Variants in ANKRD61 observed in about 807,000 individuals in gnomAD.
ANKRD61 encodes the protein ankyrin repeat domain-containing protein 61.
ANKRD61 carries 7 observed loss-of-function variants against 8.4 expected under a neutral mutation model. That is an observed-to-expected ratio of 0.84 (90% CI 0.48 to 1.57). The LOEUF is 1.57. ANKRD61 is among the 40% of genes most tolerant of loss of function. ANKRD61 has a pLI of 0.00. For synonymous variants in ANKRD61, 198 were observed against 208.0 expected, an observed-to-expected ratio of 0.95 and a Z score of 0.41; for missense variants, 516 against 523.4, an observed-to-expected ratio of 0.99 and a Z score of 0.14.
At position 6,036,054 on chromosome 7, in the gene ANKRD61, A is replaced by T; in HGVS notation, c.925A>T (p.Arg309Ter). The T allele has an allele frequency of 6.4e-7, 1 of 1,551,124 alleles. No individual in the cohort carries two copies. The change falls in exon 3 of 3, where the codon AGA becomes TGA. Residue 309 changes from arginine to a stop codon, truncating the protein, a stop_gained. Transcript: ENST00000409061. LOFTEE classifies it low-confidence loss of function (END_TRUNC). The surrounding 1 kb of genome is among the most constrained non-coding windows in gnomAD (Gnocchi z 4.6). ...TGAAGCAAATGTTAACATTTTAACA[A>T]GAAACGGGGAATCTCCAATTTATAT... ...EFEANVNILTRNGESPIYMYL... is the reference protein window; with the variant it reads ...EFEANVNILT
chr7:6,031,672 A>G (rs527566265), intron 1 of ANKRD61, 81 bp downstream of exon 1: 2 of 1,382,406 alleles, frequency 1.4e-6, no homozygotes, highest in East Asian at 5.0e-5. Flanking sequence ...TGGTGAACCC[A>G]CTAAGCTCAC....
At position 6,031,452 on chromosome 7, in the gene ANKRD61, C is replaced by T; in HGVS notation, c.77C>T (p.Ala26Val). The T allele has an allele frequency of 5.8e-6, 9 of 1,550,796 alleles. No homozygotes were observed. The highest frequency in any genetic ancestry group is 1.2e-5 in the South Asian group (1 of 84,058). The change falls in exon 1 of 3, where the codon GCA (alanine) becomes GTA (valine). Residue 26 changes from alanine to valine, a missense_variant. Ala to Val is a moderately conservative substitution (Grantham distance 64). Coordinates refer to ENST00000409061, the MANE Select transcript of ANKRD61 (RefSeq NM_001271700.2). ...AAGTCCCTGGAAGATGGCCCATCTG[C>T]AGCACTTCACTCGAAACTCTATGAA... ...SAKSLEDGPS[A>V]ALHSKLYEAI...
At position 6,032,360 on chromosome 7, in the gene ANKRD61, C is replaced by G. The variant is rs570381806; in HGVS notation, c.217-479C>G. Among the ~76,000 whole-genome samples the G allele has an allele frequency of 3.9e-5, 6 of 152,312 alleles. No homozygotes were observed. The South Asian group carries it at 1.2e-3, about 32-fold the overall frequency. On this transcript the variant is annotated intron_variant, in intron 1 of 2. Coordinates refer to ENST00000409061, the MANE Select transcript of ANKRD61 (RefSeq NM_001271700.2). This position sits in a 1 kb window ranked among gnomAD's most constrained non-coding sequence, Gnocchi z 4.3. ...TACTTACACGTGTGTATTTTAAGAG[C>G]TGGCACAAACAGCTCTGCTAATCAT... is the stretch of plus-strand genomic sequence containing the variant.
rs1021160134 is a variant in ANKRD61, at chr7:6,032,214, T to C, written c.216+623T>C. On this transcript the variant is annotated intron_variant, in intron 1 of 2. Coordinates refer to ENST00000409061, the MANE Select transcript of ANKRD61 (RefSeq NM_001271700.2). The surrounding 1 kb of genome is among the most constrained non-coding windows in gnomAD (Gnocchi z 4.3). Reference sequence around the variant, plus strand: ...AAAAATAGTTTTTCCCTTTTTAATATATACATTTTCATTTTCTAAATTTTT... The same window carrying C: ...AAAAATAGTTTTTCCCTTTTTAATACATACATTTTCATTTTCTAAATTTTT... 3.9e-5 allele frequency among the ~76,000 whole-genome samples: 6 copies of C among 152,160 alleles called. No individual in the cohort carries two copies. The highest frequency in any genetic ancestry group is 7.2e-5 in the African/African-American group (3 of 41,458).
chr7:6,031,491 A>T lies in ANKRD61; in HGVS notation c.116A>T (p.Glu39Val). Residue 39 changes from glutamate to valine, a missense_variant, in exon 1 of 3, where the codon GAA (glutamate) becomes GTA (valine). Coordinates refer to ENST00000409061, the MANE Select transcript of ANKRD61 (RefSeq NM_001271700.2). ...HSKLYEAIMR[E>V]DCTTIEVLLR... ...AAACTCTATGAAGCCATCATGAGAG[A>T]AGACTGCACTACGATCGAGGTACTC... The T allele has an allele frequency of 1.3e-6, 2 of 1,550,662 alleles. No homozygotes were observed. Among genetic ancestry groups the T allele is most frequent in the Non-Finnish European group, 8.7e-7 (1 of 1,146,976 alleles).
rs1470619949 is a variant in ANKRD61, at chr7:6,031,430, T to A, written c.55T>A (p.Ser19Thr). 24 of 1,550,722 alleles carry A rather than the reference T, an allele frequency of 1.5e-5. No individual in the cohort carries two copies. Among genetic ancestry groups the A allele is most frequent in the Non-Finnish European group, 2.0e-5 (23 of 1,147,038 alleles). ...SRDLVVDSAK[S>T]LEDGPSAALH... ...AGACCTGGTGGTTGACAGTGCCAAG[T>A]CCCTGGAAGATGGCCCATCTGCAGC... The change falls in exon 1 of 3, where the codon TCC becomes ACC. Residue 19 changes from serine to threonine, a missense_variant. Ser to Thr is a moderately conservative substitution (Grantham distance 58, BLOSUM62 1). Transcript: ENST00000409061.
rs984568426 is a variant in ANKRD61, at chr7:6,033,417, G to C, written c.314+481G>C. ...TAGATGAGATACTCTGAAAAACTGA[G>C]AAAAATGCAACATCATAAATATTTT... On this transcript the variant is annotated intron_variant, in intron 2 of 2. Transcript: ENST00000409061. This position sits in a 1 kb window ranked among gnomAD's most constrained non-coding sequence, Gnocchi z 4.4. Among the ~76,000 whole-genome samples the C allele has an allele frequency of 5.9e-5, 9 of 152,088 alleles. No individual in the cohort carries two copies. Among genetic ancestry groups the C allele is most frequent in the South Asian group, 2.1e-4 (1 of 4,824 alleles).
chr7:6,032,551 C>T lies in ANKRD61; in HGVS notation c.217-288C>T, dbSNP rs1246958186. ...AGTACCCTTAATATCACACCACAGG[C>T]TCTTCTGAAGAATCAACTTTCAAAA... On this transcript the variant is annotated intron_variant, in intron 1 of 2. Coordinates refer to ENST00000409061, the MANE Select transcript of ANKRD61 (RefSeq NM_001271700.2). This position sits in a 1 kb window ranked among gnomAD's most constrained non-coding sequence, Gnocchi z 4.3. 6.6e-6 allele frequency among the ~76,000 whole-genome samples: 1 copy of T among 152,230 alleles called. No homozygotes were observed. The highest frequency in any genetic ancestry group is 2.4e-5 in the African/African-American group (1 of 41,458).
rs997225850 is a variant in ANKRD61, at chr7:6,032,840, C to A, written c.218C>A (p.Pro73Gln). 1.3e-6 allele frequency: 2 copies of A among 1,550,632 alleles called. No individual in the cohort carries two copies. Among genetic ancestry groups the A allele is most frequent in the South Asian group, 1.2e-5 (1 of 84,048 alleles). The change falls in exon 2 of 3, where the codon CCG becomes CAG. Residue 73 changes from proline to glutamine, a missense_variant and splice_region_variant. Transcript: ENST00000409061. The surrounding 1 kb of genome is among the most constrained non-coding windows in gnomAD (Gnocchi z 4.3). Reference protein sequence around the residue: ...SASNRLLLTQPTESIIPIHLA... With the variant: ...SASNRLLLTQQTESIIPIHLA... ...ATGTGTTTTGTTTTCCCTCCAAAGC[C>A]GACAGAGTCTATCATCCCCATCCAT...
rs796905728 is a variant in ANKRD61 at position 6,032,325 on chromosome 7, G to A, written c.217-514G>A. 8.5e-5 allele frequency among the ~76,000 whole-genome samples: 13 copies of A among 152,330 alleles called. No individual in the cohort carries two copies. The highest frequency in any genetic ancestry group is 3.1e-4 in the African/African-American group (13 of 41,582). ...TACTGTCTTATCTTGCAGCCACGGT[G>A]TGAAACCACTACTTACACGTGTGTA... On this transcript the variant is annotated intron_variant, in intron 1 of 2. Coordinates refer to ENST00000409061, the MANE Select transcript of ANKRD61 (RefSeq NM_001271700.2). This position sits in a 1 kb window ranked among gnomAD's most constrained non-coding sequence, Gnocchi z 4.3.
At position 6,035,751 on chromosome 7, in the gene ANKRD61, G is replaced by T; in HGVS notation, c.622G>T (p.Ala208Ser). The change falls in exon 3 of 3, where the codon GCC (alanine) becomes TCC (serine). Residue 208 changes from alanine to serine, a missense_variant. Ala to Ser is a moderately conservative substitution (Grantham distance 99). Transcript: ENST00000409061. This position sits in a 1 kb window ranked among gnomAD's most constrained non-coding sequence, Gnocchi z 5.5. Reference protein sequence around the residue: ...NEASMTPLHMAANMLNKEMME... With the variant: ...NEASMTPLHMSANMLNKEMME... Reference sequence around the variant, plus strand: ...AGCCAGCATGACACCCCTTCACATGGCCGCAAACATGCTGAATAAGGAGAT... The same window carrying T: ...AGCCAGCATGACACCCCTTCACATGTCCGCAAACATGCTGAATAAGGAGAT... The T allele has an allele frequency of 6.4e-7, 1 of 1,551,062 alleles. No homozygotes were observed. The highest frequency in any genetic ancestry group is 8.7e-7 in the Non-Finnish European group (1 of 1,147,130).
At position 6,035,630 on chromosome 7, in the gene ANKRD61, C is replaced by G; in HGVS notation, c.501C>G (p.Asn167Lys). 1 of 1,550,822 alleles carries G rather than the reference C, an allele frequency of 6.4e-7. No homozygotes were observed. The highest frequency in any genetic ancestry group is 8.7e-7 in the Non-Finnish European group (1 of 1,147,078). The change falls in exon 3 of 3, where the codon AAC becomes AAG. Residue 167 changes from asparagine to lysine, a missense_variant. Coordinates refer to ENST00000409061, the MANE Select transcript of ANKRD61 (RefSeq NM_001271700.2). The surrounding 1 kb of genome is among the most constrained non-coding windows in gnomAD (Gnocchi z 5.5). ...TGAACACTCAAGGGGAAATCAGCAA[C>G]AAACGTTCACCACTCCACCTGGCCA... ...AQVNTQGEIS[N>K]KRSPLHLAIA...
Position 6,035,702 on chromosome 7 carries a change from T to C in ANKRD61, c.573T>C (p.Gly191=). The change falls in exon 3 of 3, where the codon GGT becomes GGC. Residue 191 remains glycine, a synonymous_variant. Coordinates refer to ENST00000409061, the MANE Select transcript of ANKRD61 (RefSeq NM_001271700.2). The surrounding 1 kb of genome is among the most constrained non-coding windows in gnomAD (Gnocchi z 5.5). ...YPVLSILTQN[G]ADVNAINEAS... ...TTCTCTCCATTTTGACCCAAAATGG[T>C]GCCGATGTCAATGCTATTAATGAAG... is the stretch of plus-strand genomic sequence containing the variant. 1 of 1,550,708 alleles carries C rather than the reference T, an allele frequency of 6.4e-7. No homozygotes were observed. Among genetic ancestry groups the C allele is most frequent in the Non-Finnish European group, 8.7e-7 (1 of 1,147,066 alleles).
Position 6,035,705 on chromosome 7 carries a change from C to T in ANKRD61, c.576C>T (p.Ala192=), listed in dbSNP as rs1449976922. The change falls in exon 3 of 3, where the codon GCC becomes GCT. Residue 192 remains alanine, a synonymous_variant. Coordinates refer to ENST00000409061, the MANE Select transcript of ANKRD61 (RefSeq NM_001271700.2). This position sits in a 1 kb window ranked among gnomAD's most constrained non-coding sequence, Gnocchi z 5.5. The part of the protein sequence containing the change: ...PVLSILTQNG[A]DVNAINEASM... ...TCTCCATTTTGACCCAAAATGGTGCCGATGTCAATGCTATTAATGAAGCCA... is the reference window on the plus strand; with the variant it reads ...TCTCCATTTTGACCCAAAATGGTGCTGATGTCAATGCTATTAATGAAGCCA... The T allele has an allele frequency of 8.4e-6, 13 of 1,550,738 alleles. No individual in the cohort carries two copies. Among genetic ancestry groups the T allele is most frequent in the South Asian group, 5.9e-5 (5 of 84,058 alleles).
Position 6,035,572 on chromosome 7 carries a change from G to A in ANKRD61, c.443G>A (p.Cys148Tyr). 2 of 1,551,162 alleles carry A rather than the reference G, an allele frequency of 1.3e-6. No homozygotes were observed. The highest frequency in any genetic ancestry group is 1.7e-6 in the Non-Finnish European group (2 of 1,147,118). Residue 148 changes from cysteine to tyrosine, a missense_variant, in exon 3 of 3, where the codon TGT becomes TAT. Physicochemically the swap from Cys to Tyr is radical, Grantham distance 194. Transcript: ENST00000409061. The surrounding 1 kb of genome is among the most constrained non-coding windows in gnomAD (Gnocchi z 5.5). ...GACATTCAGAATAGCAGCATCACAT[G>A]TCTCCGCATCTTGTGTGCGCACGGA... ...LTDIQNSSITCLRILCAHGAQ... is the reference protein window; with the variant it reads ...LTDIQNSSITYLRILCAHGAQ...
At position 6,032,051 on chromosome 7, in the gene ANKRD61, G is replaced by A. The variant is rs1381471675; in HGVS notation, c.216+460G>A. Among the ~76,000 whole-genome samples, 1 of 152,250 alleles carries A rather than the reference G, an allele frequency of 6.6e-6. No individual in the cohort carries two copies. Among genetic ancestry groups the A allele is most frequent in the South Asian group, 2.1e-4 (1 of 4,824 alleles). ...TAGCCGGGCTTGGTGGCAGGAGCCTGTAATCTCAGCTACTCGGACGGCTGA... is the reference window on the plus strand; with the variant it reads ...TAGCCGGGCTTGGTGGCAGGAGCCTATAATCTCAGCTACTCGGACGGCTGA... On this transcript the variant is annotated intron_variant, in intron 1 of 2. Coordinates refer to ENST00000409061, the MANE Select transcript of ANKRD61 (RefSeq NM_001271700.2). The surrounding 1 kb of genome is among the most constrained non-coding windows in gnomAD (Gnocchi z 4.3).
Position 6,036,219 on chromosome 7 carries a change from G to C in ANKRD61, c.1090G>C (p.Asp364His), listed in dbSNP as rs1788086289. ...IMLPEFRLLR[D>H]TLIKQSQKPL... is the part of the protein sequence containing the mutation. ...GCTACCAGAATTCCGCCTCTTAAGG[G>C]ACACCCTAATAAAGCAATCGCAAAA... Residue 364 changes from aspartate (D) to histidine (H), a missense_variant, in exon 3 of 3, where the codon GAC becomes CAC. By Grantham distance (81) the Asp-to-His change is moderately conservative. Transcript: ENST00000409061. The surrounding 1 kb of genome is among the most constrained non-coding windows in gnomAD (Gnocchi z 4.6). 27 of 1,550,106 alleles carry C rather than the reference G, an allele frequency of 1.7e-5. No homozygotes were observed. Among genetic ancestry groups the C allele is most frequent in the Non-Finnish European group, 2.4e-5 (27 of 1,146,832 alleles).
rs1275484531 is a variant in ANKRD61, at chr7:6,035,518, C to G, written c.389C>G (p.Pro130Arg). Reference protein sequence around the residue: ...WPVTSTTWAKPGNRTHRILTD... With the variant: ...WPVTSTTWAKRGNRTHRILTD... Reference sequence around the variant, plus strand: ...GTCACTTCCACCACGTGGGCAAAACCAGGCAACAGAACGCACAGGATCCTG... The same window carrying G: ...GTCACTTCCACCACGTGGGCAAAACGAGGCAACAGAACGCACAGGATCCTG... Residue 130 changes from proline (P) to arginine (R), a missense_variant, in exon 3 of 3, where the codon CCA becomes CGA. By Grantham distance (103) the Pro-to-Arg change is moderately radical (BLOSUM62 -2). Coordinates refer to ENST00000409061, the MANE Select transcript of ANKRD61 (RefSeq NM_001271700.2). This position sits in a 1 kb window ranked among gnomAD's most constrained non-coding sequence, Gnocchi z 5.5. 1.3e-6 allele frequency: 2 copies of G among 1,551,204 alleles called. No homozygotes were observed. Among genetic ancestry groups the G allele is most frequent in the Non-Finnish European group, 1.7e-6 (2 of 1,147,130 alleles).
Position 6,035,385 on chromosome 7 carries a change from C to A in ANKRD61, c.315-59C>A. 7.0e-7 allele frequency: 1 copy of A among 1,436,308 alleles called. No homozygotes were observed. The highest frequency in any genetic ancestry group is 9.4e-7 in the Non-Finnish European group (1 of 1,058,426). 89.0% of individuals were successfully genotyped at this position (1,436,308 alleles called of 1,614,324 possible). A position where few individuals can be genotyped will look rare whatever the true frequency, so the allele number is the denominator to read the frequency against. On this transcript the variant is annotated intron_variant, in intron 2 of 2. Coordinates refer to ENST00000409061, the MANE Select transcript of ANKRD61 (RefSeq NM_001271700.2). The surrounding 1 kb of genome is among the most constrained non-coding windows in gnomAD (Gnocchi z 5.5). ...TACTGGCTTCTTAAGCATTAACTGT[C>A]CACGTAGAGCCGTTCCCACTGTGAA...
Sources: gnomAD v4.1 joint callset for allele counts (sites outside exome capture counted in the v4.1 genomes callset) on GRCh38, gnomAD v4.1.1 for gene constraint, Gnocchi (gnomAD v3.1) non-coding constraint, MANE v1.5 for transcripts, NCBI Gene and HGNC (gene_info 2026-07-23, HGNC 2026-07-21) for gene names.